DGKI: variants seen among roughly 807,000 people sequenced by gnomAD.
DGKI encodes diacylglycerol kinase iota.
Under a neutral mutation model 147.5 loss-of-function variants are expected in DGKI, and 55 were observed. That is an observed-to-expected ratio of 0.37 (90% confidence interval 0.30 to 0.47). The LOEUF is 0.47. Ranked by LOEUF, DGKI falls within the 20% of genes least tolerant of loss-of-function variation. DGKI has a pLI of 1.00. For missense variants in DGKI, 1,007 were observed against 1,323.8 expected (o/e 0.76, Z 3.71); for synonymous variants, 469 against 477.1 (o/e 0.98, Z 0.22).
intron 1 of DGKI, among the ~76,000 whole-genome samples, chr7:137,790,641 G>T (rs1796822730): frequency 6.6e-6 from 1 of 152,200 alleles, no homozygotes; most frequent in Non-Finnish European, 1.5e-5. Flanking sequence ...TTAAGCTCTA[G>T]AAAGAGACGT....
chr7:137,573,011 T>C (rs1162894363), intron 17 of DGKI, among the ~76,000 whole-genome samples, 173 bp from the exon 18 acceptor site: 1 of 152,220 alleles, frequency 6.6e-6, no homozygotes, highest in East Asian at 1.9e-4. Flanking sequence ...ATAGCTTTAC[T>C]GGACCCAGGG....
chr7:137,656,652 T>C, intron 3 of DGKI, 112 bp from the exon 4 acceptor site: 1 of 972,814 alleles, frequency 1.0e-6, no homozygotes, highest in South Asian at 1.6e-5. Flanking sequence ...GCAAACATTG[T>C]AATTATTTCT....
intron 3 of DGKI, among the ~76,000 whole-genome samples, chr7:137,668,384 C>T (rs536039545): frequency 1.3e-5 from 2 of 152,318 alleles, no homozygotes; most frequent in Admixed American, 6.5e-5. Context: ...AAATCTCCCT[C>T]TAAAGAGTCT....
At chr7:137,497,025 A>G (rs568220984) in intron 21 of DGKI, among the ~76,000 whole-genome samples, 1 of 152,240 alleles carries the variant, frequency 6.6e-6, no homozygotes, top group Non-Finnish European at 1.5e-5. Context: ...CAGACAACCT[A>G]CAGAATGGAA....
chr7:137,404,359 T>C (rs1176230932), intron 30 of DGKI, among the ~76,000 whole-genome samples: 1 of 152,170 alleles, frequency 6.6e-6, no homozygotes, highest in Non-Finnish European at 1.5e-5. Flanking sequence ...AAAGATAAGA[T>C]AGACATCAAA....
intron 28 of DGKI, among the ~76,000 whole-genome samples, chr7:137,437,039 G>A (rs10268491): frequency 0.025 from 3,751 of 152,288 alleles, 60 homozygotes; most frequent in African/African-American, 0.049. Context: ...CCACCTGGCA[G>A]TGAACTTCTT....
intron 1 of DGKI, among the ~76,000 whole-genome samples, chr7:137,816,522 C>T (rs1797740983): frequency 6.6e-6 from 1 of 152,188 alleles, no homozygotes; most frequent in African/African-American, 2.4e-5. Flanking sequence ...TCAGAACACC[C>T]ATATATTGAA....
At chr7:137,427,216 C>A (rs1166941598) in intron 28 of DGKI, among the ~76,000 whole-genome samples, 1 of 152,148 alleles carries the variant, frequency 6.6e-6, no homozygotes, top group African/African-American at 2.4e-5. Context: ...GACCACAGTG[C>A]AATCAAACTA....
At chr7:137,645,007 G>T (rs1821774721) in intron 6 of DGKI, among the ~76,000 whole-genome samples, 1 of 152,144 alleles carries the variant, frequency 6.6e-6, no homozygotes, top group South Asian at 2.1e-4. Context: ...AATAAAAAGG[G>T]CATCTCTTCC....
intron 2 of DGKI, among the ~76,000 whole-genome samples, chr7:137,688,587 G>A (rs1181816048): frequency 2.0e-5 from 3 of 152,182 alleles, no homozygotes; most frequent in Non-Finnish European, 2.9e-5. Flanking sequence ...CCCTGCTGCT[G>A]CAGACTACAG....
Position 137,587,219 on chromosome 7 carries a change from G to A in DGKI, c.1312-9C>T, listed in dbSNP as rs774665871. The stretch of plus-strand genomic sequence containing the variant: ...GAAAGGATCCAGCCCACCTACAGGC[G>A]TATCGGGGGCCAGAAGAGATATAAG... On this transcript the variant is annotated splice_polypyrimidine_tract_variant and intron_variant, in intron 12 of 32. Transcript: ENST00000614521. 29 of 1,596,826 alleles carry A rather than the reference G, an allele frequency of 1.8e-5. No homozygotes were observed. The highest frequency in any genetic ancestry group is 9.5e-5 in the African/African-American group (7 of 73,924).
intron 20 of DGKI, among the ~76,000 whole-genome samples, chr7:137,531,541 G>A (rs1020955902): frequency 1.3e-5 from 2 of 152,150 alleles, no homozygotes; most frequent in Non-Finnish European, 2.9e-5. Context: ...TGAGACATAA[G>A]AGGACAATGA....
intron 1 of DGKI, among the ~76,000 whole-genome samples, chr7:137,792,375 T>C (rs1796881395): frequency 6.6e-6 from 1 of 152,148 alleles, no homozygotes; most frequent in African/African-American, 2.4e-5. Flanking sequence ...CATTCCTACA[T>C]TGAGAGATAT....
At chr7:137,706,665 C>G (rs182466461) in intron 1 of DGKI, among the ~76,000 whole-genome samples, 1 of 151,590 alleles carries the variant, frequency 6.6e-6, no homozygotes, top group South Asian at 2.1e-4. Flanking sequence ...CTCCGCCTCC[C>G]GGGTTCAAGC....
chr7:137,517,283 GA>G, intron 21 of DGKI, among the ~76,000 whole-genome samples: 1 of 53,462 alleles, frequency 1.9e-5, no homozygotes, highest in South Asian at 7.1e-4. Context: ...AAAAGAAAAA[GA>G]AAGAAAGAAA....
intron 28 of DGKI, among the ~76,000 whole-genome samples, chr7:137,427,694 T>C (rs939964235): frequency 9.9e-5 from 15 of 151,126 alleles, no homozygotes; most frequent in Non-Finnish European, 1.5e-4. Flanking sequence ...ATCAAATAGA[T>C]GCAATAAAAA....
intron 23 of DGKI, among the ~76,000 whole-genome samples, chr7:137,475,364 T>C (rs1313598694): frequency 1.3e-5 from 2 of 152,222 alleles, no homozygotes; most frequent in Admixed American, 1.3e-4. Context: ...CATTAGATGT[T>C]ATATAATTGT....
Position 137,496,664 on chromosome 7 carries a change from A to C in DGKI, c.2249-8975T>G, listed in dbSNP as rs371283895. On this transcript the variant is annotated intron_variant, in intron 21 of 32. Coordinates refer to ENST00000614521, the MANE Select transcript of DGKI (RefSeq NM_001321708.2). ...AGTGCCACACACCTACAACCATATG[A>C]TCTTCAACAAAGTCGATAAAAACAA... is the stretch of plus-strand genomic sequence containing the variant. Among the ~76,000 whole-genome samples, 12 of 152,286 alleles carry C rather than the reference A, an allele frequency of 7.9e-5. No homozygotes were observed. In the South Asian group the frequency reaches 2.3e-3, roughly 29 times the overall value.
In DGKI at chr7:137,385,752, C is replaced by T. The variant is rs946123804; in HGVS notation, c.*5468G>A. ...TAAAATGGAAATGCAAAATATTATT[C>T]TCTTCCTACTTATGTTTTCATTGAA... On this transcript the variant is annotated 3_prime_UTR_variant, in exon 33 of 33. Transcript: ENST00000614521. 2.6e-5 allele frequency: 4 copies of T among 152,196 alleles called. No homozygotes were observed. The highest frequency in any genetic ancestry group is 3.4e-3 in the Middle Eastern group (1 of 294). 9.4% of individuals were successfully genotyped at this position (152,196 alleles called of 1,614,324 possible). A position where few individuals can be genotyped will look rare whatever the true frequency, so the allele number is the denominator to read the frequency against.
Sources: gnomAD v4.1 joint callset for allele counts (sites outside exome capture counted in the v4.1 genomes callset) on GRCh38, gnomAD v4.1.1 for gene constraint, MANE v1.5 for transcripts, NCBI Gene and HGNC (gene_info 2026-07-23, HGNC 2026-07-21) for gene names.